Variants in GDF1 observed in about 807,000 individuals in gnomAD.
The protein encoded by GDF1 is embryonic growth/differentiation factor 1.
GDF1 carries 8 observed loss-of-function variants against 7.4 expected under a neutral mutation model. The ratio of observed to expected loss-of-function variants is 1.09; its 90% CI spans 0.64 to 1.96. GDF1 has a LOEUF of 1.96. Among genes scored for constraint, GDF1 ranks in the 30% most tolerant of loss-of-function variants. The pLI, the probability that GDF1 is intolerant of heterozygous loss-of-function variation, is 0.00. For synonymous variants in GDF1, 311 were observed against 276.7 expected (o/e 1.12, Z -1.23); for missense variants, 574 against 551.5 (o/e 1.04, Z -0.41).
At position 18,878,502 on chromosome 19, in the gene GDF1, TTC is replaced by T. The variant is rs1162499094; in HGVS notation, c.-313+426_-313+427del. 2.2e-5 allele frequency: 22 copies of T among 1,000,276 alleles called. No individual in the cohort carries two copies. Among genetic ancestry groups the T allele is most frequent in the Non-Finnish European group, 2.4e-5 (20 of 838,204 alleles). The allele number at this position is 1,000,276 out of a possible 1,614,324, so 62.0% of individuals were successfully genotyped here. The stretch of plus-strand genomic sequence containing the variant: ...TGTCTCGGCCCAGATGGAGCCTGGG[TTC>T]TCTCTGTGGCCCTTGGCGTTCCTTC... On this transcript the variant is annotated intron_variant, in intron 6 of 7. Coordinates refer to ENST00000247005, the MANE Select transcript of GDF1 (RefSeq NM_001492.6). The surrounding 1 kb of genome is among the most constrained non-coding windows in gnomAD (Gnocchi z 4.6).
chr19:18,875,265 G>T (rs1374501120), intron 6 of GDF1, among the ~76,000 whole-genome samples: 1 of 150,998 alleles, frequency 6.6e-6, no homozygotes, highest in Non-Finnish European at 1.5e-5. Context: ...AAAGAAACAG[G>T]CTGGGCGCGG....
chr19:18,896,099 C>A lies in GDF1; in HGVS notation c.-1349G>T. The A allele has an allele frequency of 1.1e-6, 1 of 875,750 alleles. No homozygotes were observed. The highest frequency in any genetic ancestry group is 5.1e-5 in the South Asian group (1 of 19,582). The allele number at this position is 875,750 out of a possible 1,614,324, so 54.2% of individuals were successfully genotyped here. ...CCGCCCGCTCGCCCGCCGTGCCCGT[C>A]GCCTGCGCCCGCCCGCGGTAGCCGA... On this transcript the variant is annotated 5_prime_UTR_variant, in exon 1 of 8. Coordinates refer to ENST00000247005, the MANE Select transcript of GDF1 (RefSeq NM_001492.6). The surrounding 1 kb of genome is among the most constrained non-coding windows in gnomAD (Gnocchi z 5.9).
chr19:18,877,095 G>A (rs982362884), intron 6 of GDF1, among the ~76,000 whole-genome samples: 1 of 152,216 alleles, frequency 6.6e-6, no homozygotes, highest in Admixed American at 6.5e-5. Context: ...AACTCCGGCT[G>A]TCCTTGGAGA....
At position 18,895,974 on chromosome 19, in the gene GDF1, C is replaced by T. The variant is rs1301741392; in HGVS notation, c.-1224G>A. The T allele has an allele frequency of 2.8e-6, 3 of 1,054,776 alleles. No homozygotes were observed. The highest frequency in any genetic ancestry group is 3.4e-6 in the Non-Finnish European group (3 of 874,904). 65.3% of individuals were successfully genotyped at this position (1,054,776 alleles called of 1,614,324 possible). A position where few individuals can be genotyped will look rare whatever the true frequency, so the allele number is the denominator to read the frequency against. On this transcript the variant is annotated 5_prime_UTR_variant, in exon 1 of 8. Transcript: ENST00000247005. The surrounding 1 kb of genome is among the most constrained non-coding windows in gnomAD (Gnocchi z 6.4). ...AGCCGCAGTCCGTGCAGCCCCGCGCCGCCGCCAGCGCGCTGCCCCAGCCGC... is the reference window on the plus strand; with the variant it reads ...AGCCGCAGTCCGTGCAGCCCCGCGCTGCCGCCAGCGCGCTGCCCCAGCCGC...
chr19:18,894,985 C>G (rs1352572983), intron 1 of GDF1, among the ~76,000 whole-genome samples: 1 of 152,236 alleles, frequency 6.6e-6, no homozygotes, highest in African/African-American at 2.4e-5. Context: ...GACCCCTCCC[C>G]AGGGAAGTGA....
At chr19:18,894,831 A>G (rs1287691533) in intron 1 of GDF1, among the ~76,000 whole-genome samples, 1 of 152,128 alleles carries the variant, frequency 6.6e-6, no homozygotes, top group African/African-American at 2.4e-5. Flanking sequence ...CTTCCCGGCC[A>G]GCAGAGAAAG....
intron 2 of GDF1, among the ~76,000 whole-genome samples, chr19:18,890,819 T>A (rs1304576807): frequency 7.1e-6 from 1 of 141,666 alleles, no homozygotes; most frequent in African/African-American, 2.6e-5. Context: ...TAAAGGCAAG[T>A]CCATGCCCAA....
rs1389362775 is a variant in GDF1 at position 18,895,872 on chromosome 19, C to A, written c.-1122G>T. On this transcript the variant is annotated 5_prime_UTR_variant, in exon 1 of 8. Coordinates refer to ENST00000247005, the MANE Select transcript of GDF1 (RefSeq NM_001492.6). The surrounding 1 kb of genome is among the most constrained non-coding windows in gnomAD (Gnocchi z 6.4). ...CGGAGCGCAGGGCGGTCCAGCCCAG[C>A]GCGCCGAGCGCCAGCAGCAGCAGCT... The A allele has an allele frequency of 7.8e-7, 1 of 1,283,788 alleles. No individual in the cohort carries two copies. Among genetic ancestry groups the A allele is most frequent in the Non-Finnish European group, 9.8e-7 (1 of 1,016,370 alleles). 79.5% of individuals were successfully genotyped at this position (1,283,788 alleles called of 1,614,324 possible). A position where few individuals can be genotyped will look rare whatever the true frequency, so the allele number is the denominator to read the frequency against.
intron 7 of GDF1, 57 bp from the exon 8 acceptor site, chr19:18,869,447 G>C (rs1032216804): frequency 3.4e-4 from 509 of 1,514,508 alleles, no homozygotes; most frequent in Admixed American, 7.8e-4. Context: ...TGCCCATGGG[G>C]TCTCGGTTAG....
rs1235036463 is a variant in GDF1 at position 18,895,191 on chromosome 19, G to A, written c.-1074+633C>T. Among the ~76,000 whole-genome samples, 1 of 152,248 alleles carries A rather than the reference G, an allele frequency of 6.6e-6. No homozygotes were observed. Among genetic ancestry groups the A allele is most frequent in the Non-Finnish European group, 1.5e-5 (1 of 68,046 alleles). ...AGGCCCTTGCCATCCCTGGTCGGAG[G>A]GTGGCGCTGACCCCAGATAGGCACA... On this transcript the variant is annotated intron_variant, in intron 1 of 7. Coordinates refer to ENST00000247005, the MANE Select transcript of GDF1 (RefSeq NM_001492.6). This position sits in a 1 kb window ranked among gnomAD's most constrained non-coding sequence, Gnocchi z 6.4.
intron 2 of GDF1, among the ~76,000 whole-genome samples, chr19:18,886,674 A>C (rs1463436946): frequency 2.0e-5 from 3 of 152,242 alleles, no homozygotes; most frequent in Middle Eastern, 3.4e-3. Context: ...CCCTTTCTGC[A>C]GACCCCCAAG....
At chr19:18,873,841 G>GAAA (rs35266368) in intron 6 of GDF1, among the ~76,000 whole-genome samples, 2 of 116,828 alleles carry the variant, frequency 1.7e-5, no homozygotes, top group Admixed American at 9.2e-5. Context: ...ACTCTGTCTC[G>GAAA]AAAAAAAAAA....
chr19:18,895,525 T>G lies in GDF1; in HGVS notation c.-1074+299A>C, dbSNP rs2056604224. Among the ~76,000 whole-genome samples the G allele has an allele frequency of 6.6e-6, 1 of 150,412 alleles. No homozygotes were observed. Among genetic ancestry groups the G allele is most frequent in the African/African-American group, 2.5e-5 (1 of 40,576 alleles). On this transcript the variant is annotated intron_variant, in intron 1 of 7. Coordinates refer to ENST00000247005, the MANE Select transcript of GDF1 (RefSeq NM_001492.6). This position sits in a 1 kb window ranked among gnomAD's most constrained non-coding sequence, Gnocchi z 6.4. ...GCCTCGGTCCCCCACGTCTCAAACA[T>G]CCCACCTGTCTCGGGCCCCCCATGT...
chr19:18,877,885 G>C (rs972725449), intron 6 of GDF1: 3 of 843,288 alleles, frequency 3.6e-6, no homozygotes, highest in African/African-American at 3.7e-5. Context: ...TCCCATCTCA[G>C]TCAATACCAG....
chr19:18,884,759 ACTGGAGTGCAGCGGCACGATCT>A (rs1476512063), intron 2 of GDF1, among the ~76,000 whole-genome samples: 1 of 117,798 alleles, frequency 8.5e-6, no homozygotes, highest in Non-Finnish European at 1.7e-5. Flanking sequence ...CTGTCACCAG[ACTGGAGTGCAGCGGCACGATCT>A]CAGCTCACTG....
At position 18,893,411 on chromosome 19, in the gene GDF1, C is replaced by A; in HGVS notation, c.-914+5G>T. 6.3e-7 allele frequency: 1 copy of A among 1,599,608 alleles called. No individual in the cohort carries two copies. Among genetic ancestry groups the A allele is most frequent in the East Asian group, 2.3e-5 (1 of 44,208 alleles). ...CCCTCCCGGCCATCCCCTCAGGGCC[C>A]CTACCGTAGAAGACAGATGGTGGGT... On this transcript the variant is annotated splice_donor_5th_base_variant and intron_variant, in intron 2 of 7. Coordinates refer to ENST00000247005, the MANE Select transcript of GDF1 (RefSeq NM_001492.6).
intron 1 of GDF1, among the ~76,000 whole-genome samples, chr19:18,893,780 G>A (rs1054154372): frequency 2.6e-5 from 4 of 152,044 alleles, no homozygotes; most frequent in East Asian, 1.9e-4. Context: ...TCCGGCCGCC[G>A]CGGTGCTGGG....
At position 18,893,430 on chromosome 19, in the gene GDF1, G is replaced by T. The variant is rs376346732; in HGVS notation, c.-928C>A. 2.5e-6 allele frequency: 4 copies of T among 1,604,688 alleles called. No homozygotes were observed. Among genetic ancestry groups the T allele is most frequent in the Admixed American group, 3.4e-5 (2 of 58,526 alleles). Reference sequence around the variant, plus strand: ...AGGGCCCCTACCGTAGAAGACAGATGGTGGGTCATGGAAGAAGGGGTAGTC... The same window carrying T: ...AGGGCCCCTACCGTAGAAGACAGATTGTGGGTCATGGAAGAAGGGGTAGTC... On this transcript the variant is annotated 5_prime_UTR_variant, in exon 2 of 8. Transcript: ENST00000247005.
At chr19:18,887,090 G>A (rs1002323738) in intron 2 of GDF1, among the ~76,000 whole-genome samples, 2 of 152,200 alleles carry the variant, frequency 1.3e-5, no homozygotes, top group African/African-American at 4.8e-5. Flanking sequence ...ACAACCAAAA[G>A]GCAGACACAA....
Sources: allele counts gnomAD v4.1 joint callset (sites outside exome capture counted in the v4.1 genomes callset), GRCh38; gene constraint gnomAD v4.1.1; non-coding constraint Gnocchi (gnomAD v3.1); transcripts MANE v1.5; gene names NCBI Gene and HGNC (gene_info 2026-07-23, HGNC 2026-07-21).